GUCY2C: variants seen among roughly 807,000 people sequenced by gnomAD.
GUCY2C encodes the protein guanylate cyclase 2C, also known as guanylyl cyclase C.
A neutral mutation model predicts 131.1 loss-of-function variants in GUCY2C; 118 were observed. The observed-to-expected ratio is 0.90, with a 90% CI of 0.78 to 1.05. GUCY2C has a LOEUF of 1.05. Ranked by LOEUF, GUCY2C falls within the 50% of genes least tolerant of loss-of-function variation. GUCY2C has a pLI of 0.00. For synonymous variants in GUCY2C, 452 were observed against 457.8 expected (o/e 0.99, Z 0.16); for missense variants, 1,161 against 1,304.4 (o/e 0.89, Z 1.69).
At chr12:14,681,265 T>C (rs1031948734) in intron 5 of GUCY2C, 91 bp downstream of exon 5, 1 of 1,090,420 alleles carries the variant, frequency 9.2e-7, no homozygotes, top group Non-Finnish European at 1.4e-6. Flanking sequence ...ATGATAGCTC[T>C]GCAGTGGAGG....
At position 14,616,632 on chromosome 12, in the gene GUCY2C, C is replaced by A; in HGVS notation, c.2970+1G>T. ...ATGCATTGTCTCTGTGGACTCCTTA[C>A]CTTTAAGTATGTTTCTCCTCTCACT... On this transcript the variant is annotated splice_donor_variant, in intron 25 of 26. Coordinates refer to ENST00000261170, the MANE Select transcript of GUCY2C (RefSeq NM_004963.4). LOFTEE classifies it high-confidence loss of function. 1.3e-6 allele frequency: 2 copies of A among 1,536,610 alleles called. No individual in the cohort carries two copies. Among genetic ancestry groups the A allele is most frequent in the Non-Finnish European group, 1.8e-6 (2 of 1,109,520 alleles).
At chr12:14,663,203 GCA>G (rs1227534170) in intron 10 of GUCY2C, among the ~76,000 whole-genome samples, 4 of 152,238 alleles carry the variant, frequency 2.6e-5, no homozygotes, top group Non-Finnish European at 2.9e-5. Context: ...GAGCAGAGAT[GCA>G]CAGAGGTGGG....
In GUCY2C at chr12:14,639,894, A is replaced by C. The variant is rs1947357747; in HGVS notation, c.2125T>G (p.Phe709Val). ...NGMKPFRPDLFLETAEEKELE... is the reference protein window; with the variant it reads ...NGMKPFRPDLVLETAEEKELE... ...TCTTTTTCCTCTGCTGTTTCCAAGA[A>C]TAAATCTGGGCGGAAGGGTTTCATT... The change falls in exon 19 of 27, where the codon TTC (phenylalanine) becomes GTC (valine). Residue 709 changes from phenylalanine (F) to valine (V), a missense_variant. Coordinates refer to ENST00000261170, the MANE Select transcript of GUCY2C (RefSeq NM_004963.4). 1 of 1,610,844 alleles carries C rather than the reference A, an allele frequency of 6.2e-7. No homozygotes were observed. Among genetic ancestry groups the C allele is most frequent in the African/African-American group, 1.3e-5 (1 of 74,882 alleles).
rs10846032 is a variant in GUCY2C at position 14,640,853 on chromosome 12, G to A, written c.2068+229C>T. Among the ~76,000 whole-genome samples, 9,207 of 152,216 alleles carry A rather than the reference G, an allele frequency of 0.06. 888 individuals are homozygous for A. The highest frequency in any genetic ancestry group is 0.2 in the African/African-American group (8,472 of 41,502). ...ATTGTAAACGAAGATTGTTAACAAT[G>A]ATACTGACAATAATAACACCTGGCA... On this transcript the variant is annotated intron_variant, in intron 18 of 26. Coordinates refer to ENST00000261170, the MANE Select transcript of GUCY2C (RefSeq NM_004963.4).
In GUCY2C at chr12:14,639,868, C is replaced by T; in HGVS notation, c.2151G>A (p.Glu717=). The change falls in exon 19 of 27, where the codon GAG becomes GAA. Residue 717 remains glutamate, a synonymous_variant. Transcript: ENST00000261170. ...TACGGGAAGATATACTCACTTCTAG[C>T]TCTTTTTCCTCTGCTGTTTCCAAGA... ...DLFLETAEEK[E]LEVYLLVKNC... 6.3e-7 allele frequency: 1 copy of T among 1,577,174 alleles called. No individual in the cohort carries two copies. Among genetic ancestry groups the T allele is most frequent in the Non-Finnish European group, 8.7e-7 (1 of 1,146,396 alleles).
chr12:14,651,888 C>T, intron 14 of GUCY2C, 71 bp downstream of exon 14: 3 of 827,560 alleles, frequency 3.6e-6, no homozygotes, highest in Middle Eastern at 2.3e-4. Context: ...TCTTACTCCA[C>T]CAGCAACCTC....
chr12:14,642,145 T>A (rs995853158), intron 17 of GUCY2C, among the ~76,000 whole-genome samples: 2 of 152,166 alleles, frequency 1.3e-5, no homozygotes, highest in African/African-American at 4.8e-5. Context: ...GTGGTGTTTT[T>A]GCTGGTTCCC....
chr12:14,691,894 G>A (rs180985533), intron 1 of GUCY2C, among the ~76,000 whole-genome samples: 1 of 152,102 alleles, frequency 6.6e-6, no homozygotes. Context: ...TTTTTTACAG[G>A]TATTATTTCA....
At chr12:14,643,176 T>C (rs1353475980) in intron 17 of GUCY2C, among the ~76,000 whole-genome samples, 4 of 152,140 alleles carry the variant, frequency 2.6e-5, no homozygotes, top group Non-Finnish European at 5.9e-5. Flanking sequence ...GGGAAATGGG[T>C]CTTCTGGTTT....
rs1366394215 is a variant in GUCY2C, at chr12:14,686,175, G to A, written c.381C>T (p.Ser127=). 6.3e-7 allele frequency: 1 copy of A among 1,598,188 alleles called. No individual in the cohort carries two copies. The highest frequency in any genetic ancestry group is 8.6e-7 in the Non-Finnish European group (1 of 1,165,580). Residue 127 remains serine, a synonymous_variant, in exon 3 of 27, where the codon TCC becomes TCT. Transcript: ENST00000261170. ...GTATTACTTACTACATCTGGAAGGT[G>A]GAGTATGTACATGAGGGCCCTATGA... is the stretch of plus-strand genomic sequence containing the variant. ...CVLIGPSCTY[S]TFQMYLDTEL... is the part of the protein sequence containing the mutation.
In GUCY2C at chr12:14,669,840, C is replaced by T; in HGVS notation, c.1171-7G>A. 1 of 1,278,748 alleles carries T rather than the reference C, an allele frequency of 7.8e-7. No homozygotes were observed. Among genetic ancestry groups the T allele is most frequent in the Non-Finnish European group, 1.1e-6 (1 of 900,588 alleles). The allele number at this position is 1,278,748 out of a possible 1,614,324, so 79.2% of individuals were successfully genotyped here. On this transcript the variant is annotated splice_region_variant and splice_polypyrimidine_tract_variant and intron_variant, in intron 9 of 26. Transcript: ENST00000261170. Reference sequence around the variant, plus strand: ...AGGTCAAAAGAACCTTGTACTGTGTCAGGGCACAAAAAAGAAAAAGGATGA... The same window carrying T: ...AGGTCAAAAGAACCTTGTACTGTGTTAGGGCACAAAAAAGAAAAAGGATGA...
At chr12:14,690,021 C>T (rs1373442281) in intron 1 of GUCY2C, among the ~76,000 whole-genome samples, 4 of 152,158 alleles carry the variant, frequency 2.6e-5, no homozygotes, top group East Asian at 3.8e-4. Context: ...GATTGTGTAA[C>T]ATTACAAAAT....
At position 14,687,934 on chromosome 12, in the gene GUCY2C, C is replaced by T; in HGVS notation, c.330+17G>A. 1 of 1,443,450 alleles carries T rather than the reference C, an allele frequency of 6.9e-7. No homozygotes were observed. The highest frequency in any genetic ancestry group is 9.8e-7 in the Non-Finnish European group (1 of 1,024,402). The allele number at this position is 1,443,450 out of a possible 1,614,324, so 89.4% of individuals were successfully genotyped here. On this transcript the variant is annotated intron_variant, in intron 2 of 26. Coordinates refer to ENST00000261170, the MANE Select transcript of GUCY2C (RefSeq NM_004963.4). ...GCCCAGAGGCCATGAGCTGCATCCACAAAAGCAAATACTTACTGAAATTTT... is the reference window on the plus strand; with the variant it reads ...GCCCAGAGGCCATGAGCTGCATCCATAAAAGCAAATACTTACTGAAATTTT...
At chr12:14,691,263 A>G (rs997438277) in intron 1 of GUCY2C, among the ~76,000 whole-genome samples, 2 of 152,210 alleles carry the variant, frequency 1.3e-5, no homozygotes, top group Non-Finnish European at 2.9e-5. Flanking sequence ...GGAGACTTCA[A>G]TGTAATTAGA....
At chr12:14,659,369 T>C (rs768756949) in intron 11 of GUCY2C, among the ~76,000 whole-genome samples, 2 of 152,186 alleles carry the variant, frequency 1.3e-5, no homozygotes, top group African/African-American at 2.4e-5. Flanking sequence ...AGCTGTCACA[T>C]ACTGTCATCT....
intron 25 of GUCY2C, 98 bp from the exon 26 acceptor site, chr12:14,615,041 C>T (rs1031521326): frequency 8.4e-6 from 5 of 596,730 alleles, no homozygotes; most frequent in Non-Finnish European, 1.5e-5. Flanking sequence ...ACATGTTTCA[C>T]TTCCGCATTT....
chr12:14,695,694 T>C (rs937936072), intron 1 of GUCY2C, among the ~76,000 whole-genome samples: 1 of 151,870 alleles, frequency 6.6e-6, no homozygotes, highest in African/African-American at 2.4e-5. Context: ...CTATGTGAAA[T>C]TGACTGTCTT....
intron 1 of GUCY2C, among the ~76,000 whole-genome samples, chr12:14,695,281 C>T (rs573879662): frequency 6.6e-6 from 1 of 152,172 alleles, no homozygotes; most frequent in South Asian, 2.1e-4. Flanking sequence ...CTTTATTTTA[C>T]ACATTTCATG....
intron 20 of GUCY2C, among the ~76,000 whole-genome samples, chr12:14,628,106 T>C: frequency 6.6e-6 from 1 of 152,226 alleles, no homozygotes; most frequent in East Asian, 1.9e-4. Flanking sequence ...AATTCAGTGT[T>C]ATTTTTCTCA....
Sources: allele counts gnomAD v4.1 joint callset (sites outside exome capture counted in the v4.1 genomes callset), GRCh38; gene constraint gnomAD v4.1.1; transcripts MANE v1.5; gene names NCBI Gene and HGNC (gene_info 2026-07-23, HGNC 2026-07-21).